Variants in KLF8 observed in about 807,000 individuals in gnomAD.
KLF8 encodes KLF transcription factor 8.
A neutral mutation model predicts 18.2 loss-of-function variants in KLF8; 10 were observed. The ratio of observed to expected loss-of-function variants is 0.55; its 90% confidence interval spans 0.34 to 0.93. KLF8 has a LOEUF of 0.93. Among genes scored for constraint, KLF8 ranks in the 40% least tolerant of loss-of-function variants. The pLI, the probability that KLF8 is intolerant of heterozygous loss-of-function variation, is 0.02. For missense variants in KLF8, 264 were observed against 277.9 expected, an observed-to-expected ratio of 0.95 and a Z score of 0.36; for synonymous variants, 109 against 97.3, an observed-to-expected ratio of 1.12 and a Z score of -0.71.
the KLF8 span, among the ~76,000 whole-genome samples, chrX:56,064,929 C>A: frequency 9.0e-6 from 1 of 111,420 alleles, no homozygotes; most frequent in Non-Finnish European, 1.9e-5. Flanking sequence ...CCAATTCTCT[C>A]CTGGCATGTA....
upstream of KLF8, among the ~76,000 whole-genome samples, chrX:56,227,998 T>C (rs769366252): frequency 9.0e-6 from 1 of 111,136 alleles, no homozygotes; most frequent in Non-Finnish European, 1.9e-5. Context: ...TGCTAGAGCT[T>C]GTCTGGGATG....
chrX:56,067,226 C>T, the KLF8 span, among the ~76,000 whole-genome samples: 7 of 104,493 alleles, frequency 6.7e-5, no homozygotes, highest in Non-Finnish European at 1.4e-4. Context: ...TTGTGGAGTA[C>T]GTGAGTACCA....
the KLF8 span, among the ~76,000 whole-genome samples, chrX:56,046,488 T>A: frequency 9.9e-5 from 11 of 111,208 alleles, no homozygotes; most frequent in East Asian, 3.1e-3. Flanking sequence ...TTCAGTGTGT[T>A]TTTGTTGTAT....
the KLF8 span, among the ~76,000 whole-genome samples, chrX:56,002,869 A>G: frequency 8.9e-6 from 1 of 112,115 alleles, no homozygotes; most frequent in Non-Finnish European, 1.9e-5. Context: ...AGAGAGTAAC[A>G]AGTACAAAGT....
At chrX:56,093,377 T>C in the KLF8 span, among the ~76,000 whole-genome samples, 1 of 111,298 alleles carries the variant, frequency 9.0e-6, no homozygotes, top group South Asian at 3.8e-4. Flanking sequence ...TCATAAGTCA[T>C]GCAAACAACA....
chrX:56,039,192 G>C, the KLF8 span, among the ~76,000 whole-genome samples: 5 of 112,138 alleles, frequency 4.5e-5, no homozygotes, highest in East Asian at 1.1e-3. Context: ...TACTTTTGCT[G>C]TGTAGAAGCT....
the KLF8 span, among the ~76,000 whole-genome samples, chrX:56,145,525 G>A: frequency 8.9e-6 from 1 of 111,963 alleles, no homozygotes. Flanking sequence ...AGCACTATTC[G>A]CAATAACCAA....
chrX:55,999,770 G>C, the KLF8 span, among the ~76,000 whole-genome samples: 1 of 110,597 alleles, frequency 9.0e-6, no homozygotes, highest in African/African-American at 3.3e-5. Context: ...GGGTTTTCAA[G>C]GTATAAGATC....
the KLF8 span, among the ~76,000 whole-genome samples, chrX:56,223,776 C>A: frequency 2.7e-5 from 3 of 112,563 alleles, no homozygotes; most frequent in African/African-American, 9.7e-5. Flanking sequence ...CTTTGCCTTG[C>A]AAAGCATTGT....
the KLF8 span, chrX:56,015,282 A>G: frequency 2.7e-5 from 3 of 111,940 alleles, no homozygotes; most frequent in Non-Finnish European, 3.8e-5. Flanking sequence ...AAATACATAC[A>G]TCTTTTGCCT....
chrX:56,183,484 C>T, the KLF8 span, among the ~76,000 whole-genome samples: 4 of 109,726 alleles, frequency 3.6e-5, no homozygotes, highest in African/African-American at 1.3e-4. Context: ...GTCCAAAAAG[C>T]CCCAGTGAGA....
the KLF8 span, among the ~76,000 whole-genome samples, chrX:56,163,582 G>A: frequency 8.9e-6 from 1 of 111,854 alleles, no homozygotes. Flanking sequence ...CTGTGCAGAA[G>A]GTCTTTAGTT....
the KLF8 span, among the ~76,000 whole-genome samples, chrX:56,185,260 A>T: frequency 8.9e-6 from 1 of 112,310 alleles, no homozygotes; most frequent in East Asian, 2.8e-4. Flanking sequence ...GATCAACTGG[A>T]AGAAAGGGTG....
At chrX:56,165,759 G>A in the KLF8 span, among the ~76,000 whole-genome samples, 1 of 109,886 alleles carries the variant, frequency 9.1e-6, no homozygotes, top group Non-Finnish European at 1.9e-5. Flanking sequence ...TATTTGGAAT[G>A]CTGAAGTGGA....
At chrX:56,026,059 G>A in the KLF8 span, among the ~76,000 whole-genome samples, 4 of 112,077 alleles carry the variant, frequency 3.6e-5, no homozygotes, top group African/African-American at 1.3e-4. Context: ...CTGGAGTAGG[G>A]CTTGTCATCC....
At chrX:55,947,619 C>G in the KLF8 span, among the ~76,000 whole-genome samples, 14 of 101,587 alleles carry the variant, frequency 1.4e-4, no homozygotes, top group African/African-American at 6.3e-4. Flanking sequence ...CACATGTACC[C>G]TAAAACTTAA....
chrX:56,135,500 A>G, the KLF8 span, among the ~76,000 whole-genome samples: 6 of 110,292 alleles, frequency 5.4e-5, no homozygotes, highest in South Asian at 2.4e-3. Flanking sequence ...GAATTGAACA[A>G]TGAGAACACA....
At position 56,270,374 on chromosome X, in the gene KLF8, ACACACAC is replaced by A. The variant is rs1486089005; in HGVS notation, c.898+54_898+60del. On this transcript the variant is annotated intron_variant, in intron 5 of 5. Coordinates refer to ENST00000468660, the MANE Select transcript of KLF8 (RefSeq NM_007250.5). ...CACACACACACACACACACACACAC[ACACACAC>A]GAGAGAGAGAGAGAGAGAGGGGCAG... The A allele has an allele frequency of 3.5e-4, 365 of 1,033,303 alleles. No homozygotes were observed. The African/African-American group carries it at 5.1e-3, about 15-fold the overall frequency. 85.2% of individuals were successfully genotyped at this position (1,033,303 alleles called of 1,213,427 possible). A position where few individuals can be genotyped will look rare whatever the true frequency, so the allele number is the denominator to read the frequency against.
chrX:56,006,863 C>G, the KLF8 span, among the ~76,000 whole-genome samples: 2 of 111,910 alleles, frequency 1.8e-5, no homozygotes, highest in Admixed American at 1.9e-4. Flanking sequence ...CACATGTGTA[C>G]CAGTGTCAAC....
Sources: gnomAD v4.1 joint callset for allele counts (sites outside exome capture counted in the v4.1 genomes callset) on GRCh38, gnomAD v4.1.1 for gene constraint, MANE v1.5 for transcripts, NCBI Gene and HGNC (gene_info 2026-07-23, HGNC 2026-07-21) for gene names.